The following BTNL9 variants were observed in gnomAD, a reference collection of about 807,000 sequenced individuals.
BTNL9 encodes the protein butyrophilin-like protein 9.
In BTNL9, 45 loss-of-function variants were observed where a neutral mutation model predicts 45.8. The observed-to-expected ratio is 0.98, with a 90% CI of 0.77 to 1.26. BTNL9 has a LOEUF of 1.26. Among genes scored for constraint, BTNL9 ranks in the 50% most tolerant of loss-of-function variants. BTNL9 has a pLI of 0.00. For synonymous variants in BTNL9, 346 were observed against 330.8 expected (o/e 1.05, Z -0.50); for missense variants, 784 against 729.7 (o/e 1.07, Z -0.86).
Position 181,045,558 on chromosome 5 carries a change from C to T in BTNL9, c.69C>T (p.Leu23=), listed in dbSNP as rs201027444. The part of the protein sequence containing the change: ...PVSLTSSLVF[L]MHLLLLQPGE... ...CGCTGACCAGCAGTCTTGTCTTCCT[C>T]ATGCACCTCCTCCTCCTTCAGCCTG... Residue 23 remains leucine (L), a synonymous_variant, in exon 2 of 11, where the codon CTC becomes CTT. Coordinates refer to ENST00000327705, the MANE Select transcript of BTNL9 (RefSeq NM_152547.5). 1.3e-5 allele frequency: 21 copies of T among 1,612,838 alleles called. No homozygotes were observed. The East Asian group carries it at 4.7e-4, about 36-fold the overall frequency.
At chr5:181,054,193 A>C in intron 6 of BTNL9, 46 bp from the exon 7 acceptor site, 1 of 1,609,820 alleles carries the variant, frequency 6.2e-7, no homozygotes, top group Non-Finnish European at 8.5e-7. Flanking sequence ...CCCCAACCTG[A>C]GAGTCTTTCC....
rs553128251 is a variant in BTNL9, at chr5:181,055,672, G to A, written c.928+219G>A. The A allele has an allele frequency of 1.2e-5, 8 of 686,766 alleles. No homozygotes were observed. Among genetic ancestry groups the A allele is most frequent in the Admixed American group, 8.8e-5 (4 of 45,346 alleles). The allele number at this position is 686,766 out of a possible 1,614,324, so 42.5% of individuals were successfully genotyped here. The stretch of plus-strand genomic sequence containing the variant: ...TAGTCCCAGCTACATGGGAGGCTGA[G>A]GCAGGAGAAGGGCGTGAACCCGGGA... On this transcript the variant is annotated intron_variant, in intron 8 of 10. Coordinates refer to ENST00000327705, the MANE Select transcript of BTNL9 (RefSeq NM_152547.5). This position sits in a 1 kb window ranked among gnomAD's most constrained non-coding sequence, Gnocchi z 4.4.
intron 7 of BTNL9, 40 bp downstream of exon 7, chr5:181,054,299 C>G (rs754923625): frequency 1.2e-6 from 2 of 1,602,714 alleles, no homozygotes; most frequent in Admixed American, 1.7e-5. Flanking sequence ...GCCTGTCAGC[C>G]GGACCCTGTG....
chr5:181,050,051 G>A lies in BTNL9; in HGVS notation c.455-37G>A, dbSNP rs758171031. 2 of 1,591,850 alleles carry A rather than the reference G, an allele frequency of 1.3e-6. No individual in the cohort carries two copies. The highest frequency in any genetic ancestry group is 1.7e-6 in the Non-Finnish European group (2 of 1,169,108). On this transcript the variant is annotated intron_variant, in intron 3 of 10. Transcript: ENST00000327705. The surrounding 1 kb of genome is among the most constrained non-coding windows in gnomAD (Gnocchi z 4.9). ...GAATGTTATGCGTGATTTCTCAGAA[G>A]AAGCCTGACCTTTCCCACTCCTCCT...
chr5:181,044,631 G>A (rs1760989119), intron 1 of BTNL9, among the ~76,000 whole-genome samples: 2 of 152,164 alleles, frequency 1.3e-5, no homozygotes, highest in African/African-American at 2.4e-5. Flanking sequence ...CTAAATGCAA[G>A]AGAAATATGG....
In BTNL9 at chr5:181,059,420, A is replaced by C. The variant is rs1226509638; in HGVS notation, c.1166A>C (p.His389Pro). ...FSAGRHYWEV[H>P]VGRRSRWFLG... ...GCCGGCCGCCACTACTGGGAGGTGC[A>C]CGTGGGCCGCCGCAGCCGCTGGTTC... The change falls in exon 11 of 11, where the codon CAC (histidine) becomes CCC (proline). Residue 389 changes from histidine to proline, a missense_variant. His to Pro is a moderately conservative substitution (Grantham distance 77). Transcript: ENST00000327705. The C allele has an allele frequency of 1.0e-5, 15 of 1,484,236 alleles. No homozygotes were observed. Among genetic ancestry groups the C allele is most frequent in the Non-Finnish European group, 1.3e-5 (15 of 1,121,630 alleles). 91.9% of individuals were successfully genotyped at this position (1,484,236 alleles called of 1,614,324 possible). A position where few individuals can be genotyped will look rare whatever the true frequency, so the allele number is the denominator to read the frequency against.
In BTNL9 at chr5:181,055,507, C is replaced by T; in HGVS notation, c.928+54C>T. Reference sequence around the variant, plus strand: ...CCTCAGGGCCGGGTCCAGTGGCTCACACCTGTAATCCCAGTACTTTGGGAG... The same window carrying T: ...CCTCAGGGCCGGGTCCAGTGGCTCATACCTGTAATCCCAGTACTTTGGGAG... On this transcript the variant is annotated intron_variant, in intron 8 of 10. Transcript: ENST00000327705. The surrounding 1 kb of genome is among the most constrained non-coding windows in gnomAD (Gnocchi z 4.4). 2 of 1,599,472 alleles carry T rather than the reference C, an allele frequency of 1.3e-6. No individual in the cohort carries two copies. Among genetic ancestry groups the T allele is most frequent in the South Asian group, 1.1e-5 (1 of 90,790 alleles).
chr5:181,049,167 G>T (rs943639465), intron 3 of BTNL9, among the ~76,000 whole-genome samples: 1 of 151,782 alleles, frequency 6.6e-6, no homozygotes, highest in African/African-American at 2.4e-5. Flanking sequence ...TACTTAAGAG[G>T]ACTAGCTGTG....
At chr5:181,045,986 C>T (rs1207845867) in intron 2 of BTNL9, among the ~76,000 whole-genome samples, 2 of 48,876 alleles carry the variant, frequency 4.1e-5, no homozygotes, top group African/African-American at 1.7e-4. Context: ...CCTCCAACAC[C>T]TCCTCCACCA....
rs114082110 is a variant in BTNL9 at position 181,047,160 on chromosome 5, G to A, written c.110-767G>A. On this transcript the variant is annotated intron_variant, in intron 2 of 10. Coordinates refer to ENST00000327705, the MANE Select transcript of BTNL9 (RefSeq NM_152547.5). ...AGAGAGAAGAGTGAGTGCCTGTGGG[G>A]TGGCAGGGAACCGTGCGTGCGGAAG... Among the ~76,000 whole-genome samples, 495 of 152,292 alleles carry A rather than the reference G, an allele frequency of 3.3e-3. 2 individuals are homozygous for A. Among genetic ancestry groups the A allele is most frequent in the African/African-American group, 0.011 (469 of 41,542 alleles).
At chr5:181,056,376 C>A (rs1582148117) in intron 9 of BTNL9, among the ~76,000 whole-genome samples, 1 of 152,174 alleles carries the variant, frequency 6.6e-6, no homozygotes, top group African/African-American at 2.4e-5. Flanking sequence ...TGTATATATT[C>A]TTGCAAAATG....
rs112891831 is a variant in BTNL9 at position 181,051,367 on chromosome 5, GA to G, written c.736+1005del. ...AATCAAAAGCTATTTTATTATAACA[GA>G]AAAAAACTCCCCCTTTGATATAGTC... On this transcript the variant is annotated intron_variant, in intron 4 of 10. Coordinates refer to ENST00000327705, the MANE Select transcript of BTNL9 (RefSeq NM_152547.5). Among the ~76,000 whole-genome samples, 575 of 152,100 alleles carry G rather than the reference GA, an allele frequency of 3.8e-3. 1 individual carries two copies. The highest frequency in any genetic ancestry group is 0.013 in the African/African-American group (550 of 41,486).
chr5:181,055,489 G>A lies in BTNL9; in HGVS notation c.928+36G>A. On this transcript the variant is annotated intron_variant, in intron 8 of 10. Coordinates refer to ENST00000327705, the MANE Select transcript of BTNL9 (RefSeq NM_152547.5). This position sits in a 1 kb window ranked among gnomAD's most constrained non-coding sequence, Gnocchi z 4.4. Reference sequence around the variant, plus strand: ...CCTCTTAGAACTATTTCTCCTCAGGGCCGGGTCCAGTGGCTCACACCTGTA... The same window carrying A: ...CCTCTTAGAACTATTTCTCCTCAGGACCGGGTCCAGTGGCTCACACCTGTA... The A allele has an allele frequency of 2.5e-6, 4 of 1,612,760 alleles. No homozygotes were observed. The highest frequency in any genetic ancestry group is 2.5e-6 in the Non-Finnish European group (3 of 1,178,938).
rs1324586241 is a variant in BTNL9, at chr5:181,047,976, G to A, written c.159G>A (p.Glu53=). ...PEYPILALVG[E]EVEFPCHLWP... ...ATCCCATCCTGGCCCTCGTCGGGGAGGAGGTGGAGTTCCCGTGCCACCTAT... is the reference window on the plus strand; with the variant it reads ...ATCCCATCCTGGCCCTCGTCGGGGAAGAGGTGGAGTTCCCGTGCCACCTAT... The change falls in exon 3 of 11, where the codon GAG becomes GAA. Residue 53 remains glutamate, a synonymous_variant. Coordinates refer to ENST00000327705, the MANE Select transcript of BTNL9 (RefSeq NM_152547.5). 6.2e-7 allele frequency: 1 copy of A among 1,613,784 alleles called. No individual in the cohort carries two copies. The highest frequency in any genetic ancestry group is 8.5e-7 in the Non-Finnish European group (1 of 1,180,034).
Position 181,048,201 on chromosome 5 carries a change from G to A in BTNL9, c.384G>A (p.Lys128=), listed in dbSNP as rs147484181. ...LQLHSIIPSD[K]GTYGCRFHSD... is the part of the protein sequence containing the mutation. ...TTCACAGCATCATCCCCTCTGACAA[G>A]GGCACATATGGCTGCCGCTTCCACT... is the stretch of plus-strand genomic sequence containing the variant. The change falls in exon 3 of 11, where the codon AAG becomes AAA. Residue 128 remains lysine (K), a synonymous_variant. Coordinates refer to ENST00000327705, the MANE Select transcript of BTNL9 (RefSeq NM_152547.5). 7 of 1,613,164 alleles carry A rather than the reference G, an allele frequency of 4.3e-6. No individual in the cohort carries two copies. The highest frequency in any genetic ancestry group is 1.7e-5 in the Admixed American group (1 of 60,004).
chr5:181,061,436 T>A lies in BTNL9; in HGVS notation c.*1574T>A, dbSNP rs1453083814. 1.3e-5 allele frequency: 2 copies of A among 152,226 alleles called. No individual in the cohort carries two copies. The highest frequency in any genetic ancestry group is 6.5e-5 in the Admixed American group (1 of 15,276). 9.4% of individuals were successfully genotyped at this position (152,226 alleles called of 1,614,324 possible). Reference sequence around the variant, plus strand: ...ATGGGAAAATGTTTGGTAATTGCATTCTTAAAATGTCTTCTTTGTATTTTT... The same window carrying A: ...ATGGGAAAATGTTTGGTAATTGCATACTTAAAATGTCTTCTTTGTATTTTT... On this transcript the variant is annotated 3_prime_UTR_variant, in exon 11 of 11. Transcript: ENST00000327705.
At position 181,042,351 on chromosome 5, in the gene BTNL9, T is replaced by C. The variant is rs931226442; in HGVS notation, c.-24+1919T>C. 2.0e-5 allele frequency among the ~76,000 whole-genome samples: 3 copies of C among 152,186 alleles called. No individual in the cohort carries two copies. The highest frequency in any genetic ancestry group is 6.5e-5 in the Admixed American group (1 of 15,280). On this transcript the variant is annotated intron_variant, in intron 1 of 10. Coordinates refer to ENST00000327705, the MANE Select transcript of BTNL9 (RefSeq NM_152547.5). The surrounding 1 kb of genome is among the most constrained non-coding windows in gnomAD (Gnocchi z 4.5). ...CAAATATCCGACGCGTCCAGTCCCT[T>C]ACTCCTTCCCCAGGCAAAACCTCCT...
intron 6 of BTNL9, 91 bp from the exon 7 acceptor site, chr5:181,054,148 C>T: frequency 2.5e-6 from 4 of 1,587,598 alleles, no homozygotes; most frequent in Non-Finnish European, 3.4e-6. Flanking sequence ...GAGGTGAGGC[C>T]TCAGTGTTCA....
At chr5:181,047,061 G>A (rs1340309136) in intron 2 of BTNL9, among the ~76,000 whole-genome samples, 1 of 152,196 alleles carries the variant, frequency 6.6e-6, no homozygotes, top group East Asian at 1.9e-4. Context: ...GGACAGGGGT[G>A]TCCATGACAA....
Sources: gnomAD v4.1 joint callset for allele counts (sites outside exome capture counted in the v4.1 genomes callset) on GRCh38, gnomAD v4.1.1 for gene constraint, Gnocchi (gnomAD v3.1) non-coding constraint, MANE v1.5 for transcripts, NCBI Gene and HGNC (gene_info 2026-07-23, HGNC 2026-07-21) for gene names.